The following ODF2 variants were observed in gnomAD, a reference collection of about 807,000 sequenced individuals.
ODF2 encodes the protein outer dense fiber protein 2.
ODF2 carries 47 observed loss-of-function variants against 110.2 expected under a neutral mutation model. That is an observed-to-expected ratio of 0.43 (90% CI 0.34 to 0.54). ODF2 has a LOEUF of 0.54. ODF2 is among the 20% of genes least tolerant of loss of function. The probability of loss-of-function intolerance (pLI) is 0.03; values close to 1 mark genes in which losing one functional copy is unlikely to be tolerated. For synonymous variants in ODF2, 352 were observed against 397.7 expected, an observed-to-expected ratio of 0.89 and a Z score of 1.37; for missense variants, 812 against 1,054.5, an observed-to-expected ratio of 0.77 and a Z score of 3.19.
chr9:128,456,684 A>T, intron 1 of ODF2: 1 of 1,420,326 alleles, frequency 7.0e-7, no homozygotes, highest in East Asian at 2.9e-5. Flanking sequence ...TCCACATGGC[A>T]GTCACTTGTA....
chr9:128,468,493 A>T (rs1316829855), intron 4 of ODF2, among the ~76,000 whole-genome samples: 1 of 151,864 alleles, frequency 6.6e-6, no homozygotes, highest in Non-Finnish European at 1.5e-5. Context: ...CCTCCTGATT[A>T]GTTGAGATCA....
At chr9:128,456,399 C>G in intron 1 of ODF2, 144 bp downstream of exon 1, 8 of 1,456,154 alleles carry the variant, frequency 5.5e-6, no homozygotes, top group Non-Finnish European at 7.2e-6. Flanking sequence ...CCCCTCCTGT[C>G]AGAACCTGGG....
exon 21 of ODF2, chr9:128,500,440 T>G: frequency 1.7e-6 from 1 of 590,190 alleles, no homozygotes; most frequent in Non-Finnish European, 3.0e-6. Context: ...GCACTTGGTT[T>G]TCTCCTTCCT....
upstream of ODF2, chr9:128,455,955 A>T: frequency 7.1e-7 from 1 of 1,407,478 alleles, no homozygotes; most frequent in Non-Finnish European, 9.2e-7. Context: ...CTGGACGCGT[A>T]GCACGTCTCC....
intron 18 of ODF2, among the ~76,000 whole-genome samples, chr9:128,497,214 CA>C (rs1845691289): frequency 1.3e-5 from 2 of 151,066 alleles, no homozygotes; most frequent in Non-Finnish European, 2.9e-5. Context: ...ACTTTCCCAG[CA>C]TCACACTGTT....
At chr9:128,470,894 G>C (rs1030035579) in intron 5 of ODF2, among the ~76,000 whole-genome samples, 2 of 140,506 alleles carry the variant, frequency 1.4e-5, no homozygotes, top group Non-Finnish European at 1.5e-5. Context: ...CAATTGGAAG[G>C]CTCCTTATTT....
intron 4 of ODF2, among the ~76,000 whole-genome samples, chr9:128,462,150 T>C (rs1436047787): frequency 2.0e-5 from 3 of 152,100 alleles, no homozygotes; most frequent in Non-Finnish European, 4.4e-5. Flanking sequence ...ATGAATCTTT[T>C]TTTTTTTTTT....
intron 14 of ODF2, among the ~76,000 whole-genome samples, chr9:128,488,601 G>T (rs1363756572): frequency 2.0e-5 from 3 of 152,218 alleles, no homozygotes; most frequent in African/African-American, 7.2e-5. Context: ...ACATGAGATA[G>T]AACTCATTTG....
chr9:128,481,999 C>A (rs953586041), intron 9 of ODF2, among the ~76,000 whole-genome samples: 16 of 152,154 alleles, frequency 1.1e-4, no homozygotes, highest in African/African-American at 3.9e-4. Context: ...ACTCAGTAAT[C>A]CTAATTCTAG....
chr9:128,496,065 G>C, exon 18 of ODF2: 1 of 1,613,898 alleles, frequency 6.2e-7, no homozygotes, highest in Non-Finnish European at 8.5e-7. Context: ...GGACAAGCTG[G>C]AGATGGCGAG....
At chr9:128,460,413 C>A in intron 3 of ODF2, 137 bp from the exon 3 acceptor site, 1 of 1,459,752 alleles carries the variant, frequency 6.9e-7, no homozygotes, top group Non-Finnish European at 9.2e-7. Context: ...TGCCTGCATG[C>A]CAGTAGTTGG....
intron 5 of ODF2, 71 bp from the exon 6 acceptor site, chr9:128,471,237 A>G: frequency 6.8e-7 from 1 of 1,477,656 alleles, no homozygotes; most frequent in South Asian, 1.3e-5. Flanking sequence ...GGTCCAAAGC[A>G]TTGAGCCTAG....
intron 8 of ODF2, among the ~76,000 whole-genome samples, chr9:128,474,729 A>G (rs1257915190): frequency 1.3e-5 from 2 of 151,840 alleles, no homozygotes; most frequent in African/African-American, 2.4e-5. Flanking sequence ...TGGGAGGCCG[A>G]GGCGGGCGGA....
rs372955508 is a variant in ODF2 at position 128,457,679 on chromosome 9, C to G, written c.32+242C>G. On this transcript the variant is annotated intron_variant, in intron 2 of 20. Coordinates refer to ENST00000604420, the Ensembl canonical transcript of ODF2. ...CTTCCTGGAAGCAAACAGGGTCACTCTTGTTGTCTTTATATAATAGAGTAC... is the reference window on the plus strand; with the variant it reads ...CTTCCTGGAAGCAAACAGGGTCACTGTTGTTGTCTTTATATAATAGAGTAC... Among the ~76,000 whole-genome samples the G allele has an allele frequency of 3.3e-5, 5 of 152,288 alleles. No homozygotes were observed. The South Asian group carries it at 6.2e-4, about 19-fold the overall frequency.
chr9:128,496,731 T>TATCTATC (rs1554856314), intron 18 of ODF2, among the ~76,000 whole-genome samples: 5 of 152,098 alleles, frequency 3.3e-5, no homozygotes, highest in South Asian at 4.2e-4. Flanking sequence ...TCTATCTATC[T>TATCTATC]ATCTATCTAT....
chr9:128,487,499 T>C (rs1247315112), intron 13 of ODF2, among the ~76,000 whole-genome samples: 2 of 152,154 alleles, frequency 1.3e-5, no homozygotes, highest in Middle Eastern at 3.4e-3. Flanking sequence ...TTAGAACCTG[T>C]GTAATTGGCC....
intron 17 of ODF2, 104 bp from the exon 18 acceptor site, chr9:128,495,937 G>T: frequency 7.4e-7 from 1 of 1,357,936 alleles, no homozygotes. Flanking sequence ...ACCTGCTGAG[G>T]GCACTGTGCC....
At chr9:128,484,577 C>T in intron 11 of ODF2, 124 bp from the exon 12 acceptor site, 6 of 1,059,644 alleles carry the variant, frequency 5.7e-6, no homozygotes, top group African/African-American at 4.8e-5. Context: ...GCACTTTTTT[C>T]TGTCTTCCTC....
In ODF2 at chr9:128,482,915, T is replaced by TA. The variant is rs554554864; in HGVS notation, c.987+29dup. 8.8e-3 allele frequency: 8,868 copies of TA among 1,004,720 alleles called. 36 individuals are homozygous for TA. Among genetic ancestry groups the TA allele is most frequent in the East Asian group, 0.054 (2,027 of 37,590 alleles). 62.2% of individuals were successfully genotyped at this position (1,004,720 alleles called of 1,614,324 possible). A position where few individuals can be genotyped will look rare whatever the true frequency, so the allele number is the denominator to read the frequency against. Reference sequence around the variant, plus strand: ...AGTGTGCTTTTTTTTTTTTTTTTTTTAGACGGAGTCTCGCTCTGTCGCCAG... The same window carrying TA: ...AGTGTGCTTTTTTTTTTTTTTTTTTTAAGACGGAGTCTCGCTCTGTCGCCAG... On this transcript the variant is annotated intron_variant, in intron 10 of 20. Transcript: ENST00000604420.
Sources: allele counts gnomAD v4.1 joint callset (sites outside exome capture counted in the v4.1 genomes callset), GRCh38; gene constraint gnomAD v4.1.1; transcripts MANE v1.5; gene names NCBI Gene and HGNC (gene_info 2026-07-23, HGNC 2026-07-21).